Variants in NUMA1 observed in about 807,000 individuals in gnomAD.
The protein encoded by NUMA1 is SP-H antigen.
A neutral mutation model predicts 237.1 loss-of-function variants in NUMA1; 62 were observed. That is an observed-to-expected ratio of 0.26 (90% CI 0.21 to 0.32). The LOEUF is 0.32. Ranked by LOEUF, NUMA1 falls within the 10% of genes least tolerant of loss-of-function variation. The probability of loss-of-function intolerance (pLI) is 1.00; values close to 1 mark genes in which losing one functional copy is unlikely to be tolerated. For missense variants in NUMA1, 2,533 were observed against 2,666.5 expected (o/e 0.95, Z 1.10); for synonymous variants, 1,028 against 1,066.1 (o/e 0.96, Z 0.70).
At position 72,064,996 on chromosome 11, in the gene NUMA1, G is replaced by A. The variant is rs543073462; in HGVS notation, c.-33+4846C>T. 3.3e-5 allele frequency among the ~76,000 whole-genome samples: 5 copies of A among 152,272 alleles called. No individual in the cohort carries two copies. In the East Asian group the frequency reaches 7.7e-4, roughly 23 times the overall value. ...GTATATGTGTATGTATACGTGTAAG[G>A]AAGTATACCAAATAATGTTCATTTC... is the stretch of plus-strand genomic sequence containing the variant. On this transcript the variant is annotated intron_variant, in intron 2 of 26. Coordinates refer to ENST00000393695, the MANE Select transcript of NUMA1 (RefSeq NM_006185.4).
In NUMA1 at chr11:72,012,400, C is replaced by T; in HGVS notation, c.4650+1G>A. On this transcript the variant is annotated splice_donor_variant, in intron 16 of 26. Coordinates refer to ENST00000393695, the MANE Select transcript of NUMA1 (RefSeq NM_006185.4). LOFTEE classifies it high-confidence loss of function. ...CATTTAGCGAGGACCTCAGGCATTA[C>T]CTGCTTAGTTTGCTCTCTCTGAAAT... is the stretch of plus-strand genomic sequence containing the variant. The T allele has an allele frequency of 6.2e-7, 1 of 1,612,872 alleles. No homozygotes were observed. Among genetic ancestry groups the T allele is most frequent in the Non-Finnish European group, 8.5e-7 (1 of 1,179,390 alleles).
intron 2 of NUMA1, among the ~76,000 whole-genome samples, chr11:72,058,083 T>C (rs928659299): frequency 1.3e-5 from 2 of 151,916 alleles, no homozygotes; most frequent in African/African-American, 4.8e-5. Flanking sequence ...AAAAAAAACA[T>C]AATAATAATT....
chr11:72,021,692 C>T (rs1938854337), intron 7 of NUMA1, among the ~76,000 whole-genome samples: 1 of 152,218 alleles, frequency 6.6e-6, no homozygotes, highest in South Asian at 2.1e-4. Context: ...ACTATAACCT[C>T]CAACTCCTGG....
chr11:72,012,701 A>G (rs917592134), intron 15 of NUMA1, among the ~76,000 whole-genome samples, 194 bp downstream of exon 15: 3 of 152,150 alleles, frequency 2.0e-5, no homozygotes, highest in Non-Finnish European at 4.4e-5. Flanking sequence ...AGGGGAGGCC[A>G]CTGACATTTT....
chr11:72,078,034 CAT>C (rs530282615), intron 1 of NUMA1, among the ~76,000 whole-genome samples: 24 of 152,136 alleles, frequency 1.6e-4, no homozygotes, highest in African/African-American at 5.5e-4. Context: ...AAACAATAAA[CAT>C]ATTTTAATTG....
At chr11:72,010,713 C>G in intron 17 of NUMA1, 73 bp downstream of exon 17, 1 of 1,481,632 alleles carries the variant, frequency 6.7e-7, no homozygotes, top group South Asian at 1.2e-5. Flanking sequence ...CGACACCCCC[C>G]ACGGCCCCAG....
chr11:72,069,570 T>C (rs1943355747), intron 2 of NUMA1, among the ~76,000 whole-genome samples: 1 of 152,200 alleles, frequency 6.6e-6, no homozygotes, highest in Non-Finnish European at 1.5e-5. Context: ...CAATGGCCAA[T>C]GTTTAGTGTC....
chr11:72,004,493 A>G (rs1955536440), intron 24 of NUMA1, 147 bp downstream of exon 24: 5 of 1,210,848 alleles, frequency 4.1e-6, no homozygotes, highest in African/African-American at 1.5e-5. Flanking sequence ...CCTTCCCAAC[A>G]GTTCCCATCC....
intron 2 of NUMA1, among the ~76,000 whole-genome samples, chr11:72,061,492 T>TTC (rs1305311323): frequency 1.8e-3 from 237 of 135,384 alleles, no homozygotes; most frequent in African/African-American, 5.2e-3. Flanking sequence ...TTTCTTTTTT[T>TTC]TTTTTTTTTT....
intron 2 of NUMA1, among the ~76,000 whole-genome samples, chr11:72,042,667 C>T (rs1376954177): frequency 1.3e-5 from 2 of 152,138 alleles, no homozygotes; most frequent in Non-Finnish European, 2.9e-5. Flanking sequence ...GAATCAAAGA[C>T]TTGTAAGTTT....
chr11:72,023,016 C>G (rs375808151), intron 6 of NUMA1, 49 bp downstream of exon 6: 44 of 1,384,626 alleles, frequency 3.2e-5, no homozygotes, highest in Non-Finnish European at 4.4e-5. Context: ...CCTCAGGTAC[C>G]ATCACCCCAA....
At chr11:72,028,235 C>G (rs1939828111) in intron 4 of NUMA1, among the ~76,000 whole-genome samples, 1 of 152,056 alleles carries the variant, frequency 6.6e-6, no homozygotes. Flanking sequence ...GGGAGGACCC[C>G]AAGATGAATC....
intron 2 of NUMA1, among the ~76,000 whole-genome samples, chr11:72,059,186 C>A (rs1942817542): frequency 6.6e-6 from 1 of 152,194 alleles, no homozygotes; most frequent in African/African-American, 2.4e-5. Context: ...TATCTGTAAT[C>A]ATACCATATA....
intron 2 of NUMA1, among the ~76,000 whole-genome samples, chr11:72,043,528 AT>A (rs34806999): frequency 1.1e-3 from 140 of 123,132 alleles, no homozygotes; most frequent in East Asian, 4.3e-3. Flanking sequence ...TGCCTGGCTA[AT>A]TTTTTTTTTT....
rs144092256 is a variant in NUMA1 at position 72,034,543 on chromosome 11, T to C, written c.42+1359A>G. Among the ~76,000 whole-genome samples, 656 of 151,952 alleles carry C rather than the reference T, an allele frequency of 4.3e-3. 2 individuals are homozygous for C. Among genetic ancestry groups the C allele is most frequent in the African/African-American group, 0.015 (626 of 41,410 alleles). The stretch of plus-strand genomic sequence containing the variant: ...CCAACATGGTGAAACCCGTCTCTAC[T>C]AAAAATACAAAAAAATTAGCTGGGC... On this transcript the variant is annotated intron_variant, in intron 3 of 26. Transcript: ENST00000393695.
Position 72,053,603 on chromosome 11 carries a change from T to C in NUMA1, c.-33+16239A>G, listed in dbSNP as rs1266927631. Among the ~76,000 whole-genome samples the C allele has an allele frequency of 3.3e-5, 5 of 152,354 alleles. No homozygotes were observed. The East Asian group carries it at 9.6e-4, about 29-fold the overall frequency. ...GGTTCTTAAGTCAGTTCTATAGTTC[T>C]GTAAAGCTTTACAGAATGCAGTGCA... On this transcript the variant is annotated intron_variant, in intron 2 of 26. Transcript: ENST00000393695.
intron 22 of NUMA1, chr11:72,005,818 G>A (rs370341988): frequency 4.9e-5 from 28 of 569,394 alleles, no homozygotes; most frequent in African/African-American, 1.1e-4. Context: ...TGGGAATCCC[G>A]GGCCCTTAAC....
Position 72,003,298 on chromosome 11 carries a change from G to A in NUMA1, c.*229C>T. 1 of 564,028 alleles carries A rather than the reference G, an allele frequency of 1.8e-6. No homozygotes were observed. The highest frequency in any genetic ancestry group is 2.9e-5 in the East Asian group (1 of 34,300). 34.9% of individuals were successfully genotyped at this position (564,028 alleles called of 1,614,324 possible). A position where few individuals can be genotyped will look rare whatever the true frequency, so the allele number is the denominator to read the frequency against. On this transcript the variant is annotated 3_prime_UTR_variant, in exon 27 of 27. Coordinates refer to ENST00000393695, the MANE Select transcript of NUMA1 (RefSeq NM_006185.4). ...CTTTAAGAAAAAAGGAGGCAAGGTA[G>A]GGAGAGCGCCCACACTGTCCATGCT...
At chr11:72,076,063 A>AG (rs1337772337) in intron 1 of NUMA1, among the ~76,000 whole-genome samples, 20 of 152,252 alleles carry the variant, frequency 1.3e-4, no homozygotes, top group African/African-American at 4.8e-4. Context: ...GTGAGAAAGG[A>AG]GGGAAAAACC....
Sources: gnomAD v4.1 joint callset for allele counts (sites outside exome capture counted in the v4.1 genomes callset) on GRCh38, gnomAD v4.1.1 for gene constraint, MANE v1.5 for transcripts, NCBI Gene and HGNC (gene_info 2026-07-23, HGNC 2026-07-21) for gene names.